The following GINS4 variants were observed in gnomAD, a reference collection of about 807,000 sequenced individuals.
GINS4 encodes DNA replication complex GINS protein SLD5.
GINS4 carries 20 observed loss-of-function variants against 31.1 expected under a neutral mutation model. The ratio of observed to expected loss-of-function variants is 0.64; its 90% CI spans 0.45 to 0.93. The LOEUF (loss-of-function observed/expected upper bound fraction) is 0.93, where lower values mean the gene tolerates loss of function less well. Ranked by LOEUF, GINS4 falls within the 40% of genes least tolerant of loss-of-function variation. The pLI, the probability that GINS4 is intolerant of heterozygous loss-of-function variation, is 0.00. For missense variants in GINS4, 245 were observed against 273.9 expected (o/e 0.89, Z 0.75); for synonymous variants, 85 against 97.9 (o/e 0.87, Z 0.78).
intron 4 of GINS4, among the ~76,000 whole-genome samples, chr8:41,539,367 T>C (rs978209999): frequency 4.0e-5 from 6 of 148,942 alleles, no homozygotes; most frequent in Admixed American, 2.0e-4. Context: ...TTAATTGGAC[T>C]GTGGCAAGGG....
At position 41,536,038 on chromosome 8, in the gene GINS4, G is replaced by A. The variant is rs568560668; in HGVS notation, c.97-322G>A. Among the ~76,000 whole-genome samples, 17 of 152,220 alleles carry A rather than the reference G, an allele frequency of 1.1e-4. No homozygotes were observed. In the South Asian group the frequency reaches 3.3e-3, roughly 30 times the overall value. On this transcript the variant is annotated intron_variant, in intron 2 of 7. Transcript: ENST00000276533. ...CGCTGCCTGGGGGAACAGTGTGCCCGGGCTGCCTGGCAAAGGCACTATTTG... is the reference window on the plus strand; with the variant it reads ...CGCTGCCTGGGGGAACAGTGTGCCCAGGCTGCCTGGCAAAGGCACTATTTG...
chr8:41,540,621 C>T (rs1806823310), intron 6 of GINS4, among the ~76,000 whole-genome samples: 2 of 152,194 alleles, frequency 1.3e-5, no homozygotes, highest in South Asian at 2.1e-4. Flanking sequence ...GAGCCCTTAC[C>T]GTCGGATCAA....
intron 3 of GINS4, 58 bp from the exon 4 acceptor site, chr8:41,537,122 G>A: frequency 9.2e-7 from 1 of 1,083,562 alleles, no homozygotes; most frequent in East Asian, 2.5e-5. Flanking sequence ...CCTCAACGTT[G>A]CCGGTGATGA....
chr8:41,537,508 C>A, intron 4 of GINS4: 2 of 498,122 alleles, frequency 4.0e-6, no homozygotes, highest in Non-Finnish European at 7.2e-6. Flanking sequence ...GGACACCGCA[C>A]ACATTTTTAG....
chr8:41,532,610 G>A (rs551040769), intron 2 of GINS4, among the ~76,000 whole-genome samples: 2 of 152,102 alleles, frequency 1.3e-5, no homozygotes, highest in African/African-American at 2.4e-5. Context: ...CGAGAGGGGC[G>A]GATCACCTGA....
chr8:41,530,081 C>G, intron 1 of GINS4, 103 bp from the exon 2 acceptor site: 1 of 714,872 alleles, frequency 1.4e-6, no homozygotes, highest in Non-Finnish European at 2.3e-6. Flanking sequence ...CCTCTACAAC[C>G]CCAGGAAACC....
intron 6 of GINS4, among the ~76,000 whole-genome samples, chr8:41,541,569 T>C (rs958381067): frequency 6.6e-6 from 1 of 152,184 alleles, no homozygotes; most frequent in African/African-American, 2.4e-5. Context: ...GTCAGACCCA[T>C]ACCAGACTTG....
chr8:41,539,810 C>G (rs760990539), intron 5 of GINS4, 35 bp downstream of exon 5: 12 of 1,596,486 alleles, frequency 7.5e-6, no homozygotes, highest in Non-Finnish European at 1.0e-5. Flanking sequence ...GGGCACCTGG[C>G]TGGTTCAGCA....
chr8:41,544,426 A>C lies in GINS4; in HGVS notation c.*2339A>C, dbSNP rs1343505519. The C allele has an allele frequency of 6.6e-6, 1 of 152,220 alleles. No individual in the cohort carries two copies. Among genetic ancestry groups the C allele is most frequent in the Non-Finnish European group, 1.5e-5 (1 of 68,064 alleles). 9.4% of individuals were successfully genotyped at this position (152,220 alleles called of 1,614,324 possible). A position where few individuals can be genotyped will look rare whatever the true frequency, so the allele number is the denominator to read the frequency against. On this transcript the variant is annotated 3_prime_UTR_variant, in exon 8 of 8. Transcript: ENST00000276533. ...TAGTCACGTTCTCCCTGTAGTGCTA[A>C]GCCCAGAGACCTGAGCTGTTAACCT...
intron 4 of GINS4, 86 bp from the exon 5 acceptor site, chr8:41,539,592 G>A (rs1806800132): frequency 2.1e-6 from 2 of 932,812 alleles, no homozygotes; most frequent in East Asian, 2.4e-5. Context: ...CCTCGGGAGG[G>A]TTGTGTAAAC....
intron 2 of GINS4, among the ~76,000 whole-genome samples, chr8:41,531,876 C>G (rs931112622): frequency 1.3e-5 from 2 of 152,218 alleles, no homozygotes; most frequent in African/African-American, 4.8e-5. Flanking sequence ...CTTGCAGCCT[C>G]CACCTCCCAG....
chr8:41,536,576 C>T lies in GINS4; in HGVS notation c.183+130C>T, dbSNP rs1806744906. ...CCACTCACAGTCCAGTTCTTTAAAA[C>T]AACATTGAATTAGTTATCTATGTTT... On this transcript the variant is annotated intron_variant, in intron 3 of 7. Coordinates refer to ENST00000276533, the MANE Select transcript of GINS4 (RefSeq NM_032336.3). 4 of 616,482 alleles carry T rather than the reference C, an allele frequency of 6.5e-6. No homozygotes were observed. In the East Asian group the frequency reaches 1.1e-4, roughly 17 times the overall value. 38.2% of individuals were successfully genotyped at this position (616,482 alleles called of 1,614,324 possible). A position where few individuals can be genotyped will look rare whatever the true frequency, so the allele number is the denominator to read the frequency against.
chr8:41,535,054 T>G (rs908787766), intron 2 of GINS4, among the ~76,000 whole-genome samples: 1 of 151,694 alleles, frequency 6.6e-6, no homozygotes, highest in Non-Finnish European at 1.5e-5. Context: ...TATTCAGTAT[T>G]TGGCTGGGCT....
chr8:41,535,551 C>T (rs536754175), intron 2 of GINS4, among the ~76,000 whole-genome samples: 22 of 152,092 alleles, frequency 1.4e-4, no homozygotes, highest in African/African-American at 5.1e-4. Context: ...TGTGTCTTGA[C>T]GGTGATCATG....
chr8:41,538,246 G>A (rs983890119), intron 4 of GINS4, among the ~76,000 whole-genome samples: 1 of 151,978 alleles, frequency 6.6e-6, no homozygotes, highest in African/African-American at 2.4e-5. Flanking sequence ...TTACTCTCCT[G>A]GTCTCTTCTC....
intron 2 of GINS4, among the ~76,000 whole-genome samples, chr8:41,533,530 A>G (rs1585619465): frequency 6.6e-6 from 1 of 152,072 alleles, no homozygotes; most frequent in Non-Finnish European, 1.5e-5. Context: ...CAAGGAAGTG[A>G]CCCGCCACCT....
Position 41,542,032 on chromosome 8 carries a change from T to G in GINS4, c.617T>G (p.Ile206Ser). ...IDLEKGSQHL[I>S]RYKTIAPLVA... ...CTGGAGAAGGGCTCACAGCACTTGA[T>G]CCGATACAAAACCATTGCACCTCTG... Residue 206 changes from isoleucine to serine, a missense_variant, in exon 8 of 8, where the codon ATC becomes AGC. Physicochemically the swap from Ile to Ser is moderately radical, Grantham distance 142 (BLOSUM62 -2). Coordinates refer to ENST00000276533, the MANE Select transcript of GINS4 (RefSeq NM_032336.3). The G allele has an allele frequency of 1.9e-6, 3 of 1,614,172 alleles. No homozygotes were observed. Among genetic ancestry groups the G allele is most frequent in the Non-Finnish European group, 2.5e-6 (3 of 1,180,032 alleles).
Position 41,537,205 on chromosome 8 carries a change from G to A in GINS4, c.209G>A (p.Arg70Lys), listed in dbSNP as rs1806755981. 6.2e-7 allele frequency: 1 copy of A among 1,613,052 alleles called. No individual in the cohort carries two copies. Among genetic ancestry groups the A allele is most frequent in the African/African-American group, 1.3e-5 (1 of 74,910 alleles). The change falls in exon 4 of 8, where the codon AGG becomes AAG. Residue 70 changes from arginine to lysine, a missense_variant. Physicochemically the swap from Arg to Lys is conservative, Grantham distance 26 (BLOSUM62 2). Coordinates refer to ENST00000276533, the MANE Select transcript of GINS4 (RefSeq NM_032336.3). ...HMEENLRRAK[R>K]EDLKVSIHQM... The stretch of plus-strand genomic sequence containing the variant: ...GAAGAAAATCTCAGGAGAGCCAAAA[G>A]GGAGGACCTGAAGGTCAGCATCCAC...
At chr8:41,531,819 G>A (rs965764701) in intron 2 of GINS4, among the ~76,000 whole-genome samples, 2 of 152,028 alleles carry the variant, frequency 1.3e-5, no homozygotes, top group Admixed American at 6.6e-5. Context: ...TAGCATAAAG[G>A]AAAAAAGGGA....
Sources: gnomAD v4.1 joint callset for allele counts (sites outside exome capture counted in the v4.1 genomes callset) on GRCh38, gnomAD v4.1.1 for gene constraint, MANE v1.5 for transcripts, NCBI Gene and HGNC (gene_info 2026-07-23, HGNC 2026-07-21) for gene names.